The following MAP3K13 variants were observed in gnomAD, a reference collection of about 807,000 sequenced individuals.
MAP3K13 encodes mitogen-activated protein kinase kinase kinase 13, also known as leucine zipper-bearing kinase.
Under a neutral mutation model 104.0 loss-of-function variants are expected in MAP3K13, and 52 were observed. That is an observed-to-expected ratio of 0.50 (90% confidence interval 0.40 to 0.63). The LOEUF (loss-of-function observed/expected upper bound fraction) is 0.63, where lower values mean the gene tolerates loss of function less well. MAP3K13 is among the 20% of genes least tolerant of loss of function. MAP3K13 has a pLI of 0.00. For missense variants in MAP3K13, 914 were observed against 1,218.5 expected, an observed-to-expected ratio of 0.75 and a Z score of 3.72; for synonymous variants, 394 against 442.2, an observed-to-expected ratio of 0.89 and a Z score of 1.37.
intron 2 of MAP3K13, among the ~76,000 whole-genome samples, chr3:185,327,480 A>G (rs768202024): frequency 3.0e-4 from 45 of 148,522 alleles, no homozygotes; most frequent in East Asian, 7.9e-4. Flanking sequence ...GAAGGGGTCA[A>G]ATTGGACTCA....
At chr3:185,431,969 CTT>C (rs57011382) in intron 2 of MAP3K13, among the ~76,000 whole-genome samples, 3 of 151,974 alleles carry the variant, frequency 2.0e-5, no homozygotes, top group Non-Finnish European at 2.9e-5. Flanking sequence ...CTCTCTCTCT[CTT>C]TCATACATAC....
At chr3:185,481,526 A>C (rs1001223849) in intron 13 of MAP3K13, among the ~76,000 whole-genome samples, 8 of 151,654 alleles carry the variant, frequency 5.3e-5, no homozygotes, top group Admixed American at 2.0e-4. Context: ...GAGCCTCCCC[A>C]CTCCATACCC....
chr3:185,421,430 T>C (rs754696281), intron 1 of MAP3K13, among the ~76,000 whole-genome samples: 21 of 152,140 alleles, frequency 1.4e-4, no homozygotes, highest in Non-Finnish European at 2.5e-4. Context: ...ACTCCTGACC[T>C]CAGGTGATCT....
intron 2 of MAP3K13, among the ~76,000 whole-genome samples, chr3:185,314,323 G>A (rs1015835072): frequency 6.6e-5 from 10 of 152,102 alleles, no homozygotes; most frequent in African/African-American, 2.4e-4. Context: ...TTAGAAACAA[G>A]TTCTCATTCT....
chr3:185,402,085 T>C (rs144259256), intron 1 of MAP3K13, among the ~76,000 whole-genome samples: 9 of 152,328 alleles, frequency 5.9e-5, no homozygotes, highest in African/African-American at 2.2e-4. Flanking sequence ...ATTATTTACT[T>C]GGACTCTCCC....
chr3:185,447,179 T>C (rs1354473219), intron 4 of MAP3K13, among the ~76,000 whole-genome samples: 1 of 152,074 alleles, frequency 6.6e-6, no homozygotes, highest in Non-Finnish European at 1.5e-5. Flanking sequence ...ATCCTACACA[T>C]GAGAAAACTG....
chr3:185,400,905 G>GGT (rs370500919), intron 1 of MAP3K13, among the ~76,000 whole-genome samples: 1 of 107,292 alleles, frequency 9.3e-6, no homozygotes, highest in South Asian at 3.2e-4. Context: ...GTGTTTGTTT[G>GGT]TTTTTTTTTT....
chr3:185,342,513 CTCTA>C (rs1282424867), intron 2 of MAP3K13, among the ~76,000 whole-genome samples: 3 of 152,104 alleles, frequency 2.0e-5, no homozygotes, highest in East Asian at 3.9e-4. Context: ...TTTCATAATT[CTCTA>C]TCTAATACAG....
Position 185,317,970 on chromosome 3 carries a change from A to G in MAP3K13, c.-86+32327A>G, listed in dbSNP as rs948394869. ...TCACCCATTAAAACTTTAAAGAAAA[A>G]AAAAAAAGCGAAGGAAAAAAATTGC... On this transcript the variant is annotated intron_variant, in intron 2 of 14. Transcript: ENST00000424227. Among the ~76,000 whole-genome samples the G allele has an allele frequency of 1.8e-4, 28 of 152,226 alleles. No homozygotes were observed. In the South Asian group the frequency reaches 2.1e-3, roughly 11 times the overall value.
At chr3:185,383,012 TC>T (rs1577489683) in intron 1 of MAP3K13, among the ~76,000 whole-genome samples, 1 of 74,912 alleles carries the variant, frequency 1.3e-5, no homozygotes, top group East Asian at 4.0e-4. Flanking sequence ...CCCTCCCCCC[TC>T]CCCCCAACCC....
At chr3:185,403,073 GAA>G (rs749446246) in intron 1 of MAP3K13, among the ~76,000 whole-genome samples, 6 of 152,138 alleles carry the variant, frequency 3.9e-5, no homozygotes, top group African/African-American at 2.4e-5. Context: ...ATGGAGATAA[GAA>G]AAACCGTGCC....
chr3:185,341,262 C>G (rs1300242278), intron 2 of MAP3K13, among the ~76,000 whole-genome samples: 3 of 152,010 alleles, frequency 2.0e-5, no homozygotes, highest in Admixed American at 6.5e-5. Context: ...GGAGAGGACA[C>G]ACAGAGAAAT....
chr3:185,456,654 T>A (rs1271864531), intron 7 of MAP3K13, among the ~76,000 whole-genome samples: 1 of 138,066 alleles, frequency 7.2e-6, no homozygotes, highest in South Asian at 2.3e-4. Context: ...CAGGCTGGAG[T>A]GCAGTGTCGC....
chr3:185,283,894 C>CTTGCTT (rs1720401853), intron 1 of MAP3K13, among the ~76,000 whole-genome samples: 1 of 139,520 alleles, frequency 7.2e-6, no homozygotes. Context: ...TTCTTTCTTT[C>CTTGCTT]TTTCTTTTTT....
chr3:185,446,309 G>A (rs948580933), intron 4 of MAP3K13, among the ~76,000 whole-genome samples: 1 of 149,210 alleles, frequency 6.7e-6, no homozygotes, highest in Non-Finnish European at 1.5e-5. Flanking sequence ...AGGCTGTAGT[G>A]CAGTGGCACA....
intron 2 of MAP3K13, among the ~76,000 whole-genome samples, chr3:185,294,222 C>T (rs557667325): frequency 1.3e-5 from 2 of 152,252 alleles, no homozygotes; most frequent in South Asian, 2.1e-4. Flanking sequence ...AAGTCACTGA[C>T]ATTAACTTGT....
chr3:185,394,155 A>G (rs1712243670), intron 1 of MAP3K13, among the ~76,000 whole-genome samples: 1 of 152,200 alleles, frequency 6.6e-6, no homozygotes, highest in Non-Finnish European at 1.5e-5. Flanking sequence ...AGAGGGACTT[A>G]CATCTTTGGA....
intron 7 of MAP3K13, among the ~76,000 whole-genome samples, chr3:185,455,474 ACAT>A (rs1716512631): frequency 1.1e-5 from 1 of 89,790 alleles, no homozygotes; most frequent in East Asian, 2.8e-4. Flanking sequence ...TGAGATATAT[ACAT>A]GATATATATG....
intron 2 of MAP3K13, among the ~76,000 whole-genome samples, chr3:185,324,747 G>T (rs925753349): frequency 7.3e-5 from 11 of 151,236 alleles, no homozygotes; most frequent in African/African-American, 2.4e-4. Flanking sequence ...CTAGAAAAAA[G>T]AATTAACTTA....
Sources: allele counts gnomAD v4.1 joint callset (sites outside exome capture counted in the v4.1 genomes callset), GRCh38; gene constraint gnomAD v4.1.1; transcripts MANE v1.5; gene names NCBI Gene and HGNC (gene_info 2026-07-23, HGNC 2026-07-21).